Variants in ZNF805 observed in about 807,000 individuals in gnomAD.
ZNF805 encodes CTC-444N24.8.
ZNF805 carries 7 observed loss-of-function variants against 13.6 expected under a neutral mutation model. The ratio of observed to expected loss-of-function variants is 0.51; its 90% confidence interval spans 0.29 to 0.97. The LOEUF is 0.97. Among genes scored for constraint, ZNF805 ranks in the 50% least tolerant of loss-of-function variants. The pLI is 0.08. For missense variants in ZNF805, 604 were observed against 771.0 expected (o/e 0.78, Z 2.57); for synonymous variants, 293 against 279.8 (o/e 1.05, Z -0.47).
Position 57,244,001 on chromosome 19 carries a change from C to G in ZNF805, c.109C>G (p.Leu37Val), listed in dbSNP as rs2088515607. ...CCAGCTGGACCTAGCTCAGCGGACC[C>G]TGTACCAGGAGGTGATGCTGGAAAA... Reference protein sequence around the residue: ...WGQLDLAQRTLYQEVMLENCG... With the variant: ...WGQLDLAQRTVYQEVMLENCG... Residue 37 changes from leucine (L) to valine (V), a missense_variant, in exon 2 of 4, where the codon CTG becomes GTG. Physicochemically the swap from Leu to Val is conservative, Grantham distance 32. Around this residue, in one of 3 missense-constraint regions of ZNF805, gnomAD observed 327 missense variants for 378.2 expected, o/e 0.86. Coordinates refer to ENST00000414468, the MANE Select transcript of ZNF805 (RefSeq NM_001023563.4). 1.2e-6 allele frequency: 2 copies of G among 1,614,026 alleles called. No individual in the cohort carries two copies. Among genetic ancestry groups the G allele is most frequent in the Non-Finnish European group, 1.7e-6 (2 of 1,180,032 alleles).
At chr19:57,246,331 G>A (rs1299172205) in intron 2 of ZNF805, among the ~76,000 whole-genome samples, 3 of 152,024 alleles carry the variant, frequency 2.0e-5, no homozygotes, top group South Asian at 4.1e-4. Flanking sequence ...GTGCCACCAC[G>A]CCCAGCTAAT....
At chr19:57,247,575 G>A (rs1209046862) in intron 2 of ZNF805, among the ~76,000 whole-genome samples, 2 of 152,204 alleles carry the variant, frequency 1.3e-5, no homozygotes, top group African/African-American at 2.4e-5. Flanking sequence ...GTTATTTTAT[G>A]AAAAGGCTCA....
At position 57,253,435 on chromosome 19, in the gene ZNF805, A is replaced by C. The variant is rs748307508; in HGVS notation, c.616A>C (p.Asn206His). 66 of 1,568,544 alleles carry C rather than the reference A, an allele frequency of 4.2e-5. No individual in the cohort carries two copies. The African/African-American group carries it at 8.6e-4, about 20-fold the overall frequency. Residue 206 changes from asparagine (N) to histidine (H), a missense_variant, in exon 4 of 4, where the codon AAT becomes CAT. This residue lies in a region of ZNF805 where 327 missense variants were observed against 378.2 expected (regional missense o/e 0.86). Coordinates refer to ENST00000414468, the MANE Select transcript of ZNF805 (RefSeq NM_001023563.4). This position sits in a 1 kb window ranked among gnomAD's most constrained non-coding sequence, Gnocchi z 4.4. ...GGAAGAGGAAAATATCTTTAAATGC[A>C]ATGAATGTGAAAAAGTGTTTAACAA... ...IQEEENIFKC[N>H]ECEKVFNKKR...
intron 3 of ZNF805, among the ~76,000 whole-genome samples, chr19:57,250,643 G>A (rs2087646240): frequency 6.6e-6 from 1 of 152,178 alleles, no homozygotes; most frequent in Admixed American, 6.5e-5. Context: ...TCTTTGTCCT[G>A]CGTGGGGTAC....
intron 3 of ZNF805, among the ~76,000 whole-genome samples, chr19:57,250,186 A>G (rs12983232): frequency 0.13 from 19,096 of 152,144 alleles, 1,965 homozygotes; most frequent in East Asian, 0.57. Context: ...CACGTCATGC[A>G]TGCCTCCTGA....
At position 57,253,721 on chromosome 19, in the gene ZNF805, C is replaced by T; in HGVS notation, c.902C>T (p.Thr301Ile). ...GGAAAGGCCTTCACCCACCGCTCCA[C>T]TTTTGTCTTGCATAACAGGAGCCAC... The part of the protein sequence containing the change: ...ECGKAFTHRS[T>I]FVLHNRSHTG... The change falls in exon 4 of 4, where the codon ACT becomes ATT. Residue 301 changes from threonine (T) to isoleucine (I), a missense_variant. Around this residue, in one of 3 missense-constraint regions of ZNF805, gnomAD observed 327 missense variants for 378.2 expected, o/e 0.86. Transcript: ENST00000414468. The surrounding 1 kb of genome is among the most constrained non-coding windows in gnomAD (Gnocchi z 4.4). 1 of 1,613,884 alleles carries T rather than the reference C, an allele frequency of 6.2e-7. No individual in the cohort carries two copies. The highest frequency in any genetic ancestry group is 8.5e-7 in the Non-Finnish European group (1 of 1,179,958).
intron 2 of ZNF805, among the ~76,000 whole-genome samples, chr19:57,246,851 C>G (rs1028987415): frequency 5.5e-4 from 84 of 152,154 alleles, no homozygotes; most frequent in African/African-American, 2.0e-3. Context: ...CAGGCCTGTT[C>G]CAGGCAGTGT....
Position 57,244,042 on chromosome 19 carries a change from A to G in ZNF805, c.150A>G (p.Val50=), listed in dbSNP as rs1323201355. 1.2e-6 allele frequency: 2 copies of G among 1,613,722 alleles called. No homozygotes were observed. Among genetic ancestry groups the G allele is most frequent in the Non-Finnish European group, 1.7e-6 (2 of 1,179,850 alleles). The change falls in exon 2 of 4, where the codon GTA becomes GTG. Residue 50 remains valine, a synonymous_variant. Transcript: ENST00000414468. Reference sequence around the variant, plus strand: ...TGCTGGAAAACTGTGGGCTCCTGGTATCTCTGGGTAAGGCCTTCCCCCTCC... The same window carrying G: ...TGCTGGAAAACTGTGGGCTCCTGGTGTCTCTGGGTAAGGCCTTCCCCCTCC... The part of the protein sequence containing the change: ...EVMLENCGLL[V]SLGCPVPRPE...
intron 2 of ZNF805, among the ~76,000 whole-genome samples, chr19:57,244,819 C>T (rs1020827412): frequency 6.6e-6 from 1 of 152,162 alleles, no homozygotes; most frequent in African/African-American, 2.4e-5. Flanking sequence ...CCCCTCCTTC[C>T]CCTCCAGATT....
rs2087697403 is a variant in ZNF805 at position 57,257,789 on chromosome 19, C to G, written c.*3086C>G. Reference sequence around the variant, plus strand: ...TGGTGCGATCTCCGCTCACTGCAACCTCCGCCTCCTGGGTTCAAGTGATTC... The same window carrying G: ...TGGTGCGATCTCCGCTCACTGCAACGTCCGCCTCCTGGGTTCAAGTGATTC... On this transcript the variant is annotated 3_prime_UTR_variant, in exon 4 of 4. Coordinates refer to ENST00000414468, the MANE Select transcript of ZNF805 (RefSeq NM_001023563.4). Among the ~76,000 whole-genome samples the G allele has an allele frequency of 1.4e-5, 2 of 145,326 alleles. No homozygotes were observed. Among genetic ancestry groups the G allele is most frequent in the Admixed American group, 1.4e-4 (2 of 13,978 alleles).
chr19:57,251,157 A>C (rs1288590807), intron 3 of ZNF805, among the ~76,000 whole-genome samples: 1 of 152,084 alleles, frequency 6.6e-6, no homozygotes, highest in African/African-American at 2.4e-5. Flanking sequence ...GAGTGAAATA[A>C]TTGGATTATA....
chr19:57,253,114 G>A lies in ZNF805; in HGVS notation c.295G>A (p.Glu99Lys). Reference protein sequence around the residue: ...KPKSTEPTTCELALSEGISFW... With the variant: ...KPKSTEPTTCKLALSEGISFW... ...CAAGAGCACAGAACCTACCACCTGTGAGCTAGCCTTGTCTGAAGGAATCTC... is the reference window on the plus strand; with the variant it reads ...CAAGAGCACAGAACCTACCACCTGTAAGCTAGCCTTGTCTGAAGGAATCTC... Residue 99 changes from glutamate to lysine, a missense_variant, in exon 4 of 4, where the codon GAG becomes AAG. Coordinates refer to ENST00000414468, the MANE Select transcript of ZNF805 (RefSeq NM_001023563.4). This position sits in a 1 kb window ranked among gnomAD's most constrained non-coding sequence, Gnocchi z 4.4. 1 of 1,504,886 alleles carries A rather than the reference G, an allele frequency of 6.6e-7. No homozygotes were observed. The highest frequency in any genetic ancestry group is 8.8e-7 in the Non-Finnish European group (1 of 1,131,004). 93.2% of individuals were successfully genotyped at this position (1,504,886 alleles called of 1,614,324 possible).
In ZNF805 at chr19:57,253,350, CT is replaced by C; in HGVS notation, c.533del (p.Leu178Ter). 1 of 1,569,074 alleles carries C rather than the reference CT, an allele frequency of 6.4e-7. No homozygotes were observed. The highest frequency in any genetic ancestry group is 8.6e-7 in the Non-Finnish European group (1 of 1,156,328). ...CSRIIQDRVS[L>X]GDDVHDCDSH... Reference sequence around the variant, plus strand: ...CAAGGATTATACAGGATCGAGTCTCCTTAGGAGATGATGTCCATGACTGTGA... The same window carrying C: ...CAAGGATTATACAGGATCGAGTCTCCTAGGAGATGATGTCCATGACTGTGA... On this transcript the variant is annotated frameshift_variant, in exon 4 of 4. Coordinates refer to ENST00000414468, the MANE Select transcript of ZNF805 (RefSeq NM_001023563.4). LOFTEE classifies it low-confidence loss of function (END_TRUNC). This position sits in a 1 kb window ranked among gnomAD's most constrained non-coding sequence, Gnocchi z 4.4.
Position 57,253,520 on chromosome 19 carries a change from C to T in ZNF805, c.701C>T (p.Thr234Ile). Residue 234 changes from threonine to isoleucine, a missense_variant, in exon 4 of 4, where the codon ACA (threonine) becomes ATA (isoleucine). This residue lies in a region of ZNF805 where 327 missense variants were observed against 378.2 expected (regional missense o/e 0.86). Transcript: ENST00000414468. The surrounding 1 kb of genome is among the most constrained non-coding windows in gnomAD (Gnocchi z 4.4). ...IHSGVKPYEC[T>I]ECGKTFSKST... ...TCTGGAGTGAAGCCCTATGAATGCA[C>T]AGAGTGTGGAAAAACCTTTAGCAAG... 6.8e-6 allele frequency: 11 copies of T among 1,611,826 alleles called. No individual in the cohort carries two copies. The highest frequency in any genetic ancestry group is 9.3e-6 in the Non-Finnish European group (11 of 1,178,798).
At chr19:57,246,774 CAA>C (rs1168593434) in intron 2 of ZNF805, among the ~76,000 whole-genome samples, 165 of 86,224 alleles carry the variant, frequency 1.9e-3, no homozygotes, top group African/African-American at 4.5e-3. Flanking sequence ...GACTTCGTCT[CAA>C]AAAAAAAAAA....
chr19:57,246,971 C>G (rs2087623009), intron 2 of ZNF805, among the ~76,000 whole-genome samples: 2 of 151,990 alleles, frequency 1.3e-5, no homozygotes. Flanking sequence ...AGATGAAACA[C>G]CTTCATTTTA....
chr19:57,246,419 A>G (rs1196586571), intron 2 of ZNF805, among the ~76,000 whole-genome samples: 1 of 152,132 alleles, frequency 6.6e-6, no homozygotes, highest in African/African-American at 2.4e-5. Context: ...TGGATTTTCC[A>G]TTTACCAGAG....
At chr19:57,242,490 T>C (rs1438474340) in intron 1 of ZNF805, among the ~76,000 whole-genome samples, 1 of 152,244 alleles carries the variant, frequency 6.6e-6, no homozygotes, top group Non-Finnish European at 1.5e-5. Flanking sequence ...CTTCAGCCTA[T>C]AGGGCATTTT....
intron 3 of ZNF805, among the ~76,000 whole-genome samples, chr19:57,250,606 T>A (rs1428137210): frequency 2.0e-5 from 3 of 152,202 alleles, no homozygotes; most frequent in Non-Finnish European, 4.4e-5. Context: ...ACTTAATCTC[T>A]GTATCTGCTT....
Sources: allele counts gnomAD v4.1 joint callset (sites outside exome capture counted in the v4.1 genomes callset), GRCh38; gene constraint gnomAD v4.1.1; regional missense constraint gnomAD v4.1.1; non-coding constraint Gnocchi (gnomAD v3.1); transcripts MANE v1.5; gene names NCBI Gene and HGNC (gene_info 2026-07-23, HGNC 2026-07-21).